The following MTURN variants were observed in gnomAD, a reference collection of about 807,000 sequenced individuals.
MTURN encodes the protein maturin, neural progenitor differentiation regulator homolog.
In MTURN, 7 loss-of-function variants were observed where a neutral mutation model predicts 14.9. The ratio of observed to expected loss-of-function variants is 0.47; its 90% CI spans 0.27 to 0.88. The LOEUF (loss-of-function observed/expected upper bound fraction) is 0.88. Among genes scored for constraint, MTURN ranks in the 40% least tolerant of loss-of-function variants. The probability of loss-of-function intolerance (pLI) is 0.14; values close to 1 mark genes in which losing one functional copy is unlikely to be tolerated. For synonymous variants in MTURN, 69 were observed against 72.5 expected, an observed-to-expected ratio of 0.95 and a Z score of 0.25; for missense variants, 151 against 174.1, an observed-to-expected ratio of 0.87 and a Z score of 0.75.
At chr7:30,140,415 G>GTGTGTGTGTATGTATATATATATATATA (rs33952294) in intron 1 of MTURN, among the ~76,000 whole-genome samples, 3 of 143,732 alleles carry the variant, frequency 2.1e-5, no homozygotes, top group African/African-American at 7.6e-5. Flanking sequence ...GTGTGTGTGT[G>GTGTGTGTGTATGTATATATATATATATA]TATCCCCATT....
chr7:30,144,875 G>A (rs534897663), intron 1 of MTURN, among the ~76,000 whole-genome samples: 43 of 150,328 alleles, frequency 2.9e-4, no homozygotes, highest in African/African-American at 5.7e-4. Context: ...CTATCTGGCC[G>A]CTGCATCTTG....
At position 30,160,729 on chromosome 7, in the gene MTURN, A is replaced by AT. The variant is rs1797360880; in HGVS notation, c.*3182dup. 1 of 152,198 alleles carries AT rather than the reference A, an allele frequency of 6.6e-6. No individual in the cohort carries two copies. The highest frequency in any genetic ancestry group is 2.4e-5 in the African/African-American group (1 of 41,418). The allele number at this position is 152,198 out of a possible 1,614,324, so 9.4% of individuals were successfully genotyped here. On this transcript the variant is annotated 3_prime_UTR_variant, in exon 3 of 3. Transcript: ENST00000324453. ...AGTGAATCCTAGAGACATTGTTCTT[A>AT]TGGCCGCCTGGTTTCCGCAGCCTGA...
intron 1 of MTURN, chr7:30,137,647 A>G (rs1278923379): frequency 2.1e-6 from 1 of 471,184 alleles, no homozygotes; most frequent in Admixed American, 2.3e-5. Context: ...CAAGATGCCA[A>G]CCTCGGGAGT....
chr7:30,145,776 T>A, intron 1 of MTURN: 1 of 1,442,966 alleles, frequency 6.9e-7, no homozygotes, highest in South Asian at 1.4e-5. Context: ...AATTAATCTT[T>A]CAGCCGTAGC....
Position 30,157,431 on chromosome 7 carries a change from C to T in MTURN, c.286-7C>T. 3.8e-6 allele frequency: 6 copies of T among 1,588,836 alleles called. No homozygotes were observed. Among genetic ancestry groups the T allele is most frequent in the Non-Finnish European group, 5.1e-6 (6 of 1,169,448 alleles). On this transcript the variant is annotated splice_polypyrimidine_tract_variant and splice_region_variant and intron_variant, in intron 2 of 2. Transcript: ENST00000324453. Reference sequence around the variant, plus strand: ...ACAGCTGCTTTTCTCTTGTTCTCTCCCTGTAGTTACTGGGGCTTCCGGATG... The same window carrying T: ...ACAGCTGCTTTTCTCTTGTTCTCTCTCTGTAGTTACTGGGGCTTCCGGATG...
chr7:30,142,003 G>A (rs2128030796), intron 1 of MTURN, among the ~76,000 whole-genome samples: 1 of 152,288 alleles, frequency 6.6e-6, no homozygotes, highest in African/African-American at 2.4e-5. Context: ...TAAGCACCAG[G>A]AAGTCCAGCT....
chr7:30,157,465 G>C lies in MTURN; in HGVS notation c.313G>C (p.Asp105His). ...PLLGLPDADD[D>H]AFEEYSADVE... ...ACTGGGGCTTCCGGATGCAGATGAC[G>C]ATGCGTTTGAAGAGTACAGTGCTGA... The change falls in exon 3 of 3, where the codon GAT (aspartate) becomes CAT (histidine). Residue 105 changes from aspartate (D) to histidine (H), a missense_variant. By Grantham distance (81) the Asp-to-His change is moderately conservative. Transcript: ENST00000324453. 3 of 1,603,000 alleles carry C rather than the reference G, an allele frequency of 1.9e-6. No individual in the cohort carries two copies. Among genetic ancestry groups the C allele is most frequent in the Non-Finnish European group, 2.6e-6 (3 of 1,175,360 alleles).
At position 30,160,453 on chromosome 7, in the gene MTURN, T is replaced by TA. The variant is rs1425416380; in HGVS notation, c.*2906dup. On this transcript the variant is annotated 3_prime_UTR_variant, in exon 3 of 3. Transcript: ENST00000324453. ...CTTTGGAAGTGGTGTATGTTTAACT[T>TA]ACCTGAGAGTGAGAGATGTGTAGGA... is the stretch of plus-strand genomic sequence containing the variant. 1 of 152,346 alleles carries TA rather than the reference T, an allele frequency of 6.6e-6. No individual in the cohort carries two copies. Among genetic ancestry groups the TA allele is most frequent in the African/African-American group, 2.4e-5 (1 of 41,458 alleles). The allele number at this position is 152,346 out of a possible 1,614,324, so 9.4% of individuals were successfully genotyped here.
chr7:30,135,116 G>T lies in MTURN; in HGVS notation c.-21G>T. 1.4e-6 allele frequency: 2 copies of T among 1,420,292 alleles called. No individual in the cohort carries two copies. The highest frequency in any genetic ancestry group is 9.3e-7 in the Non-Finnish European group (1 of 1,074,574). The allele number at this position is 1,420,292 out of a possible 1,614,324, so 88.0% of individuals were successfully genotyped here. Reference sequence around the variant, plus strand: ...AGGAGCGGGAGGGCGGGCGGCGGCGGGAGGCGGGCGCGGGGCCGCGATGGA... The same window carrying T: ...AGGAGCGGGAGGGCGGGCGGCGGCGTGAGGCGGGCGCGGGGCCGCGATGGA... On this transcript the variant is annotated 5_prime_UTR_variant, in exon 1 of 3. Coordinates refer to ENST00000324453, the MANE Select transcript of MTURN (RefSeq NM_152793.3).
chr7:30,162,742 A>G lies in MTURN; in HGVS notation c.*5194A>G, dbSNP rs1340757027. The stretch of plus-strand genomic sequence containing the variant: ...ACCATGTAATTACCATTCGCTTGCT[A>G]TTAAAGAGCCTTTCAAACTCTGGTG... On this transcript the variant is annotated 3_prime_UTR_variant, in exon 3 of 3. Transcript: ENST00000324453. 1 of 152,454 alleles carries G rather than the reference A, an allele frequency of 6.6e-6. No individual in the cohort carries two copies. The highest frequency in any genetic ancestry group is 1.5e-5 in the Non-Finnish European group (1 of 68,056). The allele number at this position is 152,454 out of a possible 1,614,324, so 9.4% of individuals were successfully genotyped here. A position where few individuals can be genotyped will look rare whatever the true frequency, so the allele number is the denominator to read the frequency against.
Position 30,136,702 on chromosome 7 carries a change from A to G in MTURN, c.162+1404A>G, listed in dbSNP as rs552047389. 1.3e-4 allele frequency among the ~76,000 whole-genome samples: 20 copies of G among 152,316 alleles called. 1 individual carries two copies. Among genetic ancestry groups the G allele is most frequent in the African/African-American group, 4.1e-4 (17 of 41,554 alleles). The stretch of plus-strand genomic sequence containing the variant: ...CTGGGCATTCCACAAGTGGCACTCC[A>G]GAAGAGGGATGGCCTTGTGTGACAG... On this transcript the variant is annotated intron_variant, in intron 1 of 2. Transcript: ENST00000324453.
At chr7:30,152,454 G>A (rs1434149434) in intron 2 of MTURN, among the ~76,000 whole-genome samples, 1 of 152,214 alleles carries the variant, frequency 6.6e-6, no homozygotes, top group Non-Finnish European at 1.5e-5. Flanking sequence ...GAGTGTGTTA[G>A]AGATGCAGAA....
intron 1 of MTURN, chr7:30,140,938 G>A (rs1583503133): frequency 6.6e-6 from 1 of 152,192 alleles, no homozygotes; most frequent in African/African-American, 2.4e-5. Context: ...CGAGGCTCCG[G>A]TTAAACATTG....
Position 30,140,413 on chromosome 7 carries a change from G to A in MTURN, c.162+5115G>A, listed in dbSNP as rs114722362. Among the ~76,000 whole-genome samples the A allele has an allele frequency of 3.9e-3, 89 of 23,040 alleles. 1 individual carries two copies. Among genetic ancestry groups the A allele is most frequent in the Middle Eastern group, 0.021 (1 of 48 alleles). 15.1% of individuals were successfully genotyped at this position (23,040 alleles called of 152,430 possible). A position where few individuals can be genotyped will look rare whatever the true frequency, so the allele number is the denominator to read the frequency against. ...TAGAGGGGTGTGTGTGTGTGTGTGT[G>A]TGTATCCCCATTTGTGGTCTGAACA... On this transcript the variant is annotated intron_variant, in intron 1 of 2. Transcript: ENST00000324453.
In MTURN at chr7:30,161,879, T is replaced by C. The variant is rs893776414; in HGVS notation, c.*4331T>C. On this transcript the variant is annotated 3_prime_UTR_variant, in exon 3 of 3. Coordinates refer to ENST00000324453, the MANE Select transcript of MTURN (RefSeq NM_152793.3). Reference sequence around the variant, plus strand: ...AGAAGCTGAAGTCTTTTAGATTTTATAGAGAGTAATTCTGAAACCTGCCAG... The same window carrying C: ...AGAAGCTGAAGTCTTTTAGATTTTACAGAGAGTAATTCTGAAACCTGCCAG... The C allele has an allele frequency of 1.3e-5, 2 of 152,166 alleles. No individual in the cohort carries two copies. The highest frequency in any genetic ancestry group is 4.8e-5 in the African/African-American group (2 of 41,414). 9.4% of individuals were successfully genotyped at this position (152,166 alleles called of 1,614,324 possible).
At chr7:30,142,466 A>G (rs1474838012) in intron 1 of MTURN, among the ~76,000 whole-genome samples, 1 of 152,218 alleles carries the variant, frequency 6.6e-6, no homozygotes, top group East Asian at 1.9e-4. Flanking sequence ...ATATGTAGTT[A>G]GCCAAAGTTC....
chr7:30,143,844 A>G (rs962371692), intron 1 of MTURN, among the ~76,000 whole-genome samples: 4 of 152,232 alleles, frequency 2.6e-5, no homozygotes, highest in Non-Finnish European at 5.9e-5. Context: ...TGGTGGCTAC[A>G]CTGCAGTTTA....
chr7:30,142,677 A>C (rs1400896172), intron 1 of MTURN, among the ~76,000 whole-genome samples: 1 of 151,914 alleles, frequency 6.6e-6, no homozygotes, highest in Non-Finnish European at 1.5e-5. Context: ...TGCAATTTAA[A>C]CTCTGCCCCC....
At chr7:30,136,324 T>C (rs1583500421) in intron 1 of MTURN, among the ~76,000 whole-genome samples, 1 of 150,854 alleles carries the variant, frequency 6.6e-6, no homozygotes, top group African/African-American at 2.4e-5. Flanking sequence ...AGGGGTGGAG[T>C]AGGGCGAGCA....
Sources: gnomAD v4.1 joint callset for allele counts (sites outside exome capture counted in the v4.1 genomes callset) on GRCh38, gnomAD v4.1.1 for gene constraint, MANE v1.5 for transcripts, NCBI Gene and HGNC (gene_info 2026-07-23, HGNC 2026-07-21) for gene names.